PCDHGA4: variants seen among roughly 807,000 people sequenced by gnomAD.
PCDHGA4 encodes protocadherin gamma-A4.
PCDHGA4 carries 38 observed loss-of-function variants against 54.6 expected under a neutral mutation model. The observed-to-expected ratio is 0.70, with a 90% CI of 0.54 to 0.91. The LOEUF is 0.91. Among genes scored for constraint, PCDHGA4 ranks in the 40% least tolerant of loss-of-function variants. The pLI is 0.00. For synonymous variants in PCDHGA4, 511 were observed against 512.9 expected (o/e 1.00, Z 0.05); for missense variants, 1,298 against 1,220.9 (o/e 1.06, Z -0.94).
In PCDHGA4 at chr5:141,501,310, C is replaced by T. The variant is rs958976594; in HGVS notation, c.2574-4083C>T. ...CCTTATACACACACACACACACACA[C>T]ACACACACACACACACACACACACC... On this transcript the variant is annotated intron_variant, in intron 2 of 3. Transcript: ENST00000571252. Among the ~76,000 whole-genome samples, 4 of 151,684 alleles carry T rather than the reference C, an allele frequency of 2.6e-5. No individual in the cohort carries two copies. The South Asian group carries it at 8.3e-4, about 32-fold the overall frequency.
chr5:141,482,380 C>A (rs2099557573), intron 1 of PCDHGA4, among the ~76,000 whole-genome samples: 1 of 151,712 alleles, frequency 6.6e-6, no homozygotes, highest in Non-Finnish European at 1.5e-5. Context: ...ATATAAAGTC[C>A]CTGTATGGAG....
Position 141,423,257 on chromosome 5 carries a change from G to T in PCDHGA4, c.2514+65636G>T, listed in dbSNP as rs1412429501. ...ATCCCCGAAGTCCTGGCGGACCTCG[G>T]CAGCCTCGAGTCTCTGGCTAACTCT... On this transcript the variant is annotated intron_variant, in intron 1 of 3. Transcript: ENST00000571252. The T allele has an allele frequency of 8.7e-6, 14 of 1,613,946 alleles. No individual in the cohort carries two copies. The highest frequency in any genetic ancestry group is 1.3e-5 in the African/African-American group (1 of 75,060).
intron 1 of PCDHGA4, among the ~76,000 whole-genome samples, chr5:141,402,647 A>C (rs2094289901): frequency 6.6e-6 from 1 of 152,250 alleles, no homozygotes; most frequent in Non-Finnish European, 1.5e-5. Flanking sequence ...TCATAATTAG[A>C]AGAGAGTAGT....
intron 1 of PCDHGA4, chr5:141,388,782 A>C (rs1589071559): frequency 6.2e-7 from 1 of 1,613,784 alleles, no homozygotes; most frequent in South Asian, 1.1e-5. Flanking sequence ...CGGGGAAATT[A>C]CTGTTTTAAA....
At chr5:141,413,631 G>A in intron 1 of PCDHGA4, 4 of 1,613,750 alleles carry the variant, frequency 2.5e-6, no homozygotes, top group Admixed American at 1.7e-5. Context: ...ATGTCGCTGC[G>A]GGAATGCGTT....
chr5:141,430,399 T>G (rs2097282187), intron 1 of PCDHGA4, among the ~76,000 whole-genome samples: 1 of 150,106 alleles, frequency 6.7e-6, no homozygotes, highest in Admixed American at 6.6e-5. Flanking sequence ...AAAAAAAAGC[T>G]CACTAAAGTT....
chr5:141,363,877 G>A (rs1763094721), intron 1 of PCDHGA4, among the ~76,000 whole-genome samples: 1 of 152,112 alleles, frequency 6.6e-6, no homozygotes. Flanking sequence ...GTAAATAAAG[G>A]ACATAGGCTC....
chr5:141,418,504 A>T (rs761133198), intron 1 of PCDHGA4: 32 of 1,613,904 alleles, frequency 2.0e-5, no homozygotes, highest in Non-Finnish European at 2.7e-5. Context: ...TGACCGCCTT[A>T]GATGGTGGGG....
intron 1 of PCDHGA4, chr5:141,408,572 G>A (rs745760240): frequency 4.3e-6 from 7 of 1,614,048 alleles, no homozygotes; most frequent in East Asian, 2.2e-5. Flanking sequence ...TGTGGTGATT[G>A]AGGATGTTAA....
Position 141,389,013 on chromosome 5 carries a change from A to G in PCDHGA4, c.2514+31392A>G, listed in dbSNP as rs187666474. 2.5e-6 allele frequency: 4 copies of G among 1,614,010 alleles called. No homozygotes were observed. The African/African-American group carries it at 4.0e-5, about 16-fold the overall frequency. On this transcript the variant is annotated intron_variant, in intron 1 of 3. Coordinates refer to ENST00000571252, the MANE Select transcript of PCDHGA4 (RefSeq NM_018917.4). ...AGTCCGTGACAAGGATTCCAGACAC[A>G]ATGGAGAAGTGACTTGTAAATTGGA...
intron 1 of PCDHGA4, chr5:141,384,587 T>C: frequency 6.2e-7 from 1 of 1,614,218 alleles, no homozygotes; most frequent in Non-Finnish European, 8.5e-7. Flanking sequence ...CCCGAGATCC[T>C]GTACCCGGCC....
chr5:141,509,442 T>C (rs1473514859), intron 3 of PCDHGA4, among the ~76,000 whole-genome samples: 3 of 152,008 alleles, frequency 2.0e-5, no homozygotes, highest in Non-Finnish European at 2.9e-5. Flanking sequence ...TGTTTCCTCC[T>C]CTCCCACCCC....
At chr5:141,471,802 A>G (rs2154571076) in intron 1 of PCDHGA4, among the ~76,000 whole-genome samples, 1 of 152,362 alleles carries the variant, frequency 6.6e-6, no homozygotes, top group African/African-American at 2.4e-5. Context: ...TATAAAAGAC[A>G]TATAAAAGAC....
At chr5:141,404,248 G>A in intron 1 of PCDHGA4, 2 of 1,613,812 alleles carry the variant, frequency 1.2e-6, no homozygotes, top group African/African-American at 2.7e-5. Flanking sequence ...CTCCGCCCCT[G>A]TCCACAGAAA....
At position 141,489,384 on chromosome 5, in the gene PCDHGA4, T is replaced by G; in HGVS notation, c.2515-5423T>G. The G allele has an allele frequency of 6.2e-7, 1 of 1,613,986 alleles. No individual in the cohort carries two copies. The highest frequency in any genetic ancestry group is 1.3e-5 in the African/African-American group (1 of 75,042). On this transcript the variant is annotated intron_variant, in intron 1 of 3. Transcript: ENST00000571252. This position sits in a 1 kb window ranked among gnomAD's most constrained non-coding sequence, Gnocchi z 4.5. ...AGCCGGGGACGCTGGTGGGGAATGT[T>G]GCTCAGGATCTGGGCTTAAAGATGA...
chr5:141,360,110 G>C, intron 1 of PCDHGA4: 1 of 1,563,268 alleles, frequency 6.4e-7, no homozygotes, highest in Non-Finnish European at 8.7e-7. Flanking sequence ...TCCTCCTATG[G>C]GCAAAGGAGC....
At chr5:141,377,979 G>A (rs887213407) in intron 1 of PCDHGA4, 1 of 152,086 alleles carries the variant, frequency 6.6e-6, no homozygotes, top group African/African-American at 2.4e-5. Context: ...ATGTTCCTGG[G>A]TTGCAATCCT....
At position 141,432,552 on chromosome 5, in the gene PCDHGA4, C is replaced by G. The variant is rs1181931321; in HGVS notation, c.2515-62255C>G. ...AAGGTGGTGGCGGTGGACAGAGACT[C>G]CGGCCAGAACGCCTGGCTGTCCTAC... On this transcript the variant is annotated intron_variant, in intron 1 of 3. Coordinates refer to ENST00000571252, the MANE Select transcript of PCDHGA4 (RefSeq NM_018917.4). The surrounding 1 kb of genome is among the most constrained non-coding windows in gnomAD (Gnocchi z 6.0). The G allele has an allele frequency of 6.2e-7, 1 of 1,613,970 alleles. No homozygotes were observed. The highest frequency in any genetic ancestry group is 1.1e-5 in the South Asian group (1 of 91,064).
intron 1 of PCDHGA4, among the ~76,000 whole-genome samples, chr5:141,449,440 C>T (rs2098639026): frequency 6.6e-6 from 1 of 151,742 alleles, no homozygotes; most frequent in Admixed American, 6.6e-5. Flanking sequence ...AACTCCATCT[C>T]TACTAAAAAT....
Sources: gnomAD v4.1 joint callset for allele counts (sites outside exome capture counted in the v4.1 genomes callset) on GRCh38, gnomAD v4.1.1 for gene constraint, Gnocchi (gnomAD v3.1) non-coding constraint, MANE v1.5 for transcripts, NCBI Gene and HGNC (gene_info 2026-07-23, HGNC 2026-07-21) for gene names.